EML4: variants seen among roughly 807,000 people sequenced by gnomAD.
EML4 encodes the protein echinoderm microtubule-associated protein-like 4.
In EML4, 72 loss-of-function variants were observed where a neutral mutation model predicts 129.0. That is an observed-to-expected ratio of 0.56 (90% confidence interval 0.46 to 0.68). EML4 has a LOEUF of 0.68. Among genes scored for constraint, EML4 ranks in the 30% least tolerant of loss-of-function variants. The pLI is 0.00. For synonymous variants in EML4, 532 were observed against 405.0 expected, an observed-to-expected ratio of 1.31 and a Z score of -3.77; for missense variants, 1,363 against 1,190.6, an observed-to-expected ratio of 1.14 and a Z score of -2.13.
rs891489708 is a variant in EML4, at chr2:42,324,171, T to A, written c.2155-1296T>A. ...ATTAGCTGGGATGGTGGTGCACACC[T>A]GTATTCCCAGCTACTCAGGAGGCTG... On this transcript the variant is annotated intron_variant, in intron 19 of 22. Transcript: ENST00000318522. Among the ~76,000 whole-genome samples the A allele has an allele frequency of 9.9e-4, 150 of 152,234 alleles. 1 individual carries two copies. Among genetic ancestry groups the A allele is most frequent in the African/African-American group, 3.5e-3 (144 of 41,538 alleles).
At chr2:42,317,641 C>G in intron 19 of EML4, 117 bp downstream of exon 19, 1 of 652,880 alleles carries the variant, frequency 1.5e-6, no homozygotes, top group Non-Finnish European at 2.6e-6. Context: ...TAATCTCTGT[C>G]TTTGAAAACT....
intron 1 of EML4, among the ~76,000 whole-genome samples, chr2:42,191,184 T>C (rs1280943088): frequency 6.6e-6 from 1 of 152,228 alleles, no homozygotes; most frequent in Non-Finnish European, 1.5e-5. Flanking sequence ...TTTTAATTCT[T>C]AGAATAACCA....
chr2:42,250,887 G>T (rs190141152), intron 2 of EML4, among the ~76,000 whole-genome samples: 112 of 152,244 alleles, frequency 7.4e-4, no homozygotes, highest in Middle Eastern at 3.4e-3. Context: ...CAACTAGCTG[G>T]TCCCATGTTG....
rs186330191 is a variant in EML4 at position 42,224,593 on chromosome 2, G to T, written c.26-20912G>T. Among the ~76,000 whole-genome samples, 16 of 152,102 alleles carry T rather than the reference G, an allele frequency of 1.1e-4. 1 individual carries two copies. The highest frequency in any genetic ancestry group is 3.1e-4 in the African/African-American group (13 of 41,514). ...TAGGAGTGGCGTTGCTGGATTATAT[G>T]GTGCCTCTGTTTAACCTTTTGAAGA... is the stretch of plus-strand genomic sequence containing the variant. On this transcript the variant is annotated intron_variant, in intron 1 of 22. Transcript: ENST00000318522.
intron 16 of EML4, 68 bp downstream of exon 16, chr2:42,303,514 C>A: frequency 6.5e-7 from 1 of 1,548,072 alleles, no homozygotes; most frequent in Non-Finnish European, 8.8e-7. Flanking sequence ...TTGAGAGCAG[C>A]AAAGTAAAAA....
intron 14 of EML4, 101 bp downstream of exon 14, chr2:42,301,493 T>A: frequency 1.1e-6 from 1 of 933,254 alleles, no homozygotes; most frequent in Non-Finnish European, 1.5e-6. Flanking sequence ...CTTATTAAAT[T>A]CTTATAATTT....
intron 6 of EML4, among the ~76,000 whole-genome samples, chr2:42,269,783 A>G (rs954942008): frequency 2.6e-5 from 4 of 152,208 alleles, no homozygotes; most frequent in African/African-American, 9.6e-5. Context: ...TTCATCATAG[A>G]GTACATACAA....
chr2:42,211,218 A>G (rs1459105311), intron 1 of EML4, among the ~76,000 whole-genome samples: 1 of 152,184 alleles, frequency 6.6e-6, no homozygotes, highest in Non-Finnish European at 1.5e-5. Context: ...GGACTTTGTT[A>G]AGTCTGTAAG....
intron 1 of EML4, among the ~76,000 whole-genome samples, chr2:42,238,654 T>C (rs554448349): frequency 3.9e-5 from 6 of 152,318 alleles, no homozygotes; most frequent in Admixed American, 1.3e-4. Flanking sequence ...GTCTTACTCT[T>C]TTGCCCAGGC....
intron 20 of EML4, 71 bp downstream of exon 20, chr2:42,325,625 T>TATATATATATATAC (rs1467685069): frequency 1.7e-5 from 2 of 118,424 alleles, no homozygotes; most frequent in Non-Finnish European, 2.7e-5. Context: ...TATATATATA[T>TATATATATATATAC]ATATATATAT....
Position 42,316,270 on chromosome 2 carries a change from C to T in EML4, c.2056+220C>T, listed in dbSNP as rs1049670645. Among the ~76,000 whole-genome samples the T allele has an allele frequency of 3.9e-5, 6 of 152,216 alleles. No individual in the cohort carries two copies. In the East Asian group the frequency reaches 1.2e-3, roughly 29 times the overall value. On this transcript the variant is annotated intron_variant, in intron 18 of 22. Coordinates refer to ENST00000318522, the MANE Select transcript of EML4 (RefSeq NM_019063.5). ...TCTGAATCATCAAATTTAAAATGGA[C>T]AGCTGCATTTGCAATTGAAAGCAGA... is the stretch of plus-strand genomic sequence containing the variant.
intron 2 of EML4, among the ~76,000 whole-genome samples, chr2:42,250,345 C>G (rs1372738221): frequency 6.6e-6 from 1 of 152,162 alleles, no homozygotes; most frequent in Non-Finnish European, 1.5e-5. Flanking sequence ...CATTCAGCTC[C>G]TGGTCCAAAT....
chr2:42,262,459 C>G (rs1299419152), intron 4 of EML4, among the ~76,000 whole-genome samples: 1 of 152,094 alleles, frequency 6.6e-6, no homozygotes, highest in African/African-American at 2.4e-5. Context: ...TTGATATCTT[C>G]TTTGTCCCAG....
intron 1 of EML4, among the ~76,000 whole-genome samples, chr2:42,222,161 A>G (rs1448119016): frequency 1.3e-5 from 2 of 152,178 alleles, no homozygotes; most frequent in African/African-American, 4.8e-5. Flanking sequence ...AATAAAAATT[A>G]CATTTTCATT....
intron 1 of EML4, among the ~76,000 whole-genome samples, chr2:42,245,100 T>TTTTTTC (rs1558535419): frequency 8.3e-6 from 1 of 120,142 alleles, no homozygotes; most frequent in African/African-American, 3.3e-5. Context: ...CTTTCTTTTT[T>TTTTTTC]TTTTTTTTTT....
At chr2:42,311,145 C>G (rs1318099917) in intron 17 of EML4, among the ~76,000 whole-genome samples, 5 of 151,994 alleles carry the variant, frequency 3.3e-5, no homozygotes, top group Non-Finnish European at 7.4e-5. Context: ...CACATTTTAC[C>G]AAAACAGACA....
intron 8 of EML4, 88 bp downstream of exon 8, chr2:42,283,060 C>G: frequency 8.3e-7 from 1 of 1,211,730 alleles, no homozygotes; most frequent in Non-Finnish European, 1.2e-6. Context: ...AAAGTGATTT[C>G]TTGTGGAAAG....
chr2:42,244,822 G>A (rs1330956696), intron 1 of EML4, among the ~76,000 whole-genome samples: 1 of 152,074 alleles, frequency 6.6e-6, no homozygotes, highest in East Asian at 1.9e-4. Context: ...TGATAATAAT[G>A]TAATTAAGAA....
chr2:42,211,525 T>C (rs1672885894), intron 1 of EML4, among the ~76,000 whole-genome samples: 1 of 152,218 alleles, frequency 6.6e-6, no homozygotes, highest in African/African-American at 2.4e-5. Flanking sequence ...ACCTGTGGAT[T>C]AGTCCCCTCT....
Sources: gnomAD v4.1 joint callset for allele counts (sites outside exome capture counted in the v4.1 genomes callset) on GRCh38, gnomAD v4.1.1 for gene constraint, MANE v1.5 for transcripts, NCBI Gene and HGNC (gene_info 2026-07-23, HGNC 2026-07-21) for gene names.